NEK6: variants seen among roughly 807,000 people sequenced by gnomAD.
NEK6 encodes serine/threonine-protein kinase Nek6.
In NEK6, 27 loss-of-function variants were observed where a neutral mutation model predicts 43.5. The ratio of observed to expected loss-of-function variants is 0.62; its 90% CI spans 0.46 to 0.86. The LOEUF is 0.86. Among genes scored for constraint, NEK6 ranks in the 40% least tolerant of loss-of-function variants. NEK6 has a pLI of 0.00. For missense variants in NEK6, 318 were observed against 414.4 expected, an observed-to-expected ratio of 0.77 and a Z score of 2.02; for synonymous variants, 167 against 164.1, an observed-to-expected ratio of 1.02 and a Z score of -0.14.
chr9:124,278,906 G>C (rs970208041), intron 1 of NEK6, among the ~76,000 whole-genome samples: 5 of 152,152 alleles, frequency 3.3e-5, no homozygotes, highest in African/African-American at 7.2e-5. Flanking sequence ...AGACCAGGGT[G>C]GGGGGACCAA....
chr9:124,339,320 G>A (rs1027555657), intron 7 of NEK6, among the ~76,000 whole-genome samples: 1 of 151,532 alleles, frequency 6.6e-6, no homozygotes. Flanking sequence ...TGGTCTCGGT[G>A]GGTCCAGGGA....
chr9:124,261,955 CTT>C (rs544517624), intron 1 of NEK6, among the ~76,000 whole-genome samples: 11 of 143,536 alleles, frequency 7.7e-5, no homozygotes, highest in Admixed American at 1.4e-4. Flanking sequence ...ACATTTTTAT[CTT>C]TTTTTTTTTT....
At chr9:124,264,814 CAAA>C (rs372219790) in intron 1 of NEK6, among the ~76,000 whole-genome samples, 1 of 88,682 alleles carries the variant, frequency 1.1e-5, no homozygotes. Context: ...GACTCTGTAT[CAAA>C]AAAAAAAAAA....
intron 1 of NEK6, among the ~76,000 whole-genome samples, chr9:124,294,810 G>C (rs1233201671): frequency 6.6e-6 from 1 of 152,206 alleles, no homozygotes; most frequent in African/African-American, 2.4e-5. Flanking sequence ...AGGCTTGTGT[G>C]TTAGGAAAAC....
intron 1 of NEK6, among the ~76,000 whole-genome samples, chr9:124,281,346 A>T (rs75039876): frequency 2.0e-5 from 3 of 152,046 alleles, no homozygotes; most frequent in Admixed American, 6.5e-5. Flanking sequence ...GTCACCTAGC[A>T]CAGTGGCCTG....
chr9:124,271,932 G>A (rs1412105327), intron 1 of NEK6, among the ~76,000 whole-genome samples: 1 of 152,266 alleles, frequency 6.6e-6, no homozygotes. Context: ...GGCAGAGTTA[G>A]GCACACCTGG....
rs572671965 is a variant in NEK6, at chr9:124,292,279, C to T, written c.-29-9657C>T. The T allele has an allele frequency of 3.8e-6, 5 of 1,312,828 alleles. No homozygotes were observed. The South Asian group carries it at 4.7e-5, about 12-fold the overall frequency. The allele number at this position is 1,312,828 out of a possible 1,614,324, so 81.3% of individuals were successfully genotyped here. On this transcript the variant is annotated intron_variant, in intron 1 of 9. Transcript: ENST00000320246. ...GGGGCTGCCCATTCAGCCAGTCCCA[C>T]CAACCTGACAGGACCTTTGCCACTA...
chr9:124,287,278 G>T (rs1362870414), intron 1 of NEK6, among the ~76,000 whole-genome samples: 1 of 152,176 alleles, frequency 6.6e-6, no homozygotes, highest in Non-Finnish European at 1.5e-5. Flanking sequence ...CCTGGCACCA[G>T]CAGGGGCCAG....
intron 8 of NEK6, among the ~76,000 whole-genome samples, chr9:124,340,836 C>A (rs1398570628): frequency 1.3e-5 from 2 of 152,238 alleles, no homozygotes; most frequent in East Asian, 3.8e-4. Context: ...GGACTGTCGA[C>A]TCTGAGGCTG....
chr9:124,322,023 T>C (rs1448630231), intron 5 of NEK6, among the ~76,000 whole-genome samples: 1 of 152,208 alleles, frequency 6.6e-6, no homozygotes, highest in East Asian at 1.9e-4. Context: ...GGAAAGCATC[T>C]TGTAGATCCA....
intron 9 of NEK6, among the ~76,000 whole-genome samples, chr9:124,350,127 G>C (rs1470029828): frequency 6.6e-6 from 1 of 152,012 alleles, no homozygotes; most frequent in Non-Finnish European, 1.5e-5. Context: ...TGCTGCTTCG[G>C]CTGCTGTGGC....
chr9:124,291,817 G>A (rs1355383218), intron 1 of NEK6: 5 of 985,404 alleles, frequency 5.1e-6, no homozygotes, highest in East Asian at 2.3e-4. Flanking sequence ...AGGGGGCTCC[G>A]TGGCGGCTGT....
chr9:124,327,265 C>G (rs974533097), intron 6 of NEK6, 73 bp from the exon 7 acceptor site: 2 of 1,241,584 alleles, frequency 1.6e-6, no homozygotes, highest in African/African-American at 2.9e-5. Flanking sequence ...ACCTTCCTCC[C>G]CCTTCCTCTC....
rs892963388 is a variant in NEK6 at position 124,275,916 on chromosome 9, CTG to C, written c.-30+17834_-30+17835del. Among the ~76,000 whole-genome samples the C allele has an allele frequency of 5.3e-5, 8 of 152,244 alleles. No homozygotes were observed. Among genetic ancestry groups the C allele is most frequent in the Admixed American group, 3.3e-4 (5 of 15,288 alleles). ...GTCAGCGGGACGGATGGAACCAGCT[CTG>C]TGACTCACATACCCATTGTGCCTGC... is the stretch of plus-strand genomic sequence containing the variant. On this transcript the variant is annotated intron_variant, in intron 1 of 9. Coordinates refer to ENST00000320246, the MANE Select transcript of NEK6 (RefSeq NM_014397.6). This position sits in a 1 kb window ranked among gnomAD's most constrained non-coding sequence, Gnocchi z 4.4.
intron 4 of NEK6, among the ~76,000 whole-genome samples, chr9:124,315,846 G>GTGTGTGACACAC (rs1833789645): frequency 6.6e-6 from 1 of 152,234 alleles, no homozygotes; most frequent in Non-Finnish European, 1.5e-5. Context: ...CACACCCCTC[G>GTGTGTGACACAC]CTCACTAGCT....
chr9:124,268,602 G>C (rs917758569), intron 1 of NEK6, among the ~76,000 whole-genome samples: 14 of 152,156 alleles, frequency 9.2e-5, no homozygotes, highest in African/African-American at 3.4e-4. Context: ...TCTGCTTGCT[G>C]TGATATACCC....
intron 2 of NEK6, among the ~76,000 whole-genome samples, chr9:124,309,685 C>T (rs948512163): frequency 1.3e-5 from 2 of 152,196 alleles, no homozygotes; most frequent in African/African-American, 4.8e-5. Flanking sequence ...ACATAGTAGG[C>T]GTCTAACGTA....
rs371251625 is a variant in NEK6 at position 124,344,755 on chromosome 9, G to T, written c.718-2954G>T. On this transcript the variant is annotated intron_variant, in intron 8 of 9. Coordinates refer to ENST00000320246, the MANE Select transcript of NEK6 (RefSeq NM_014397.6). The stretch of plus-strand genomic sequence containing the variant: ...GTGCCAGTCCCAGGATCCTCATAGG[G>T]GGCCTCCTCGCAGCAGCCTTGAGGT... Among the ~76,000 whole-genome samples the T allele has an allele frequency of 3.9e-4, 59 of 152,326 alleles. 1 individual carries two copies. In the East Asian group the frequency reaches 6.2e-3, roughly 16 times the overall value.
intron 1 of NEK6, among the ~76,000 whole-genome samples, chr9:124,264,083 C>T (rs1466192502): frequency 6.6e-6 from 1 of 152,268 alleles, no homozygotes; most frequent in Non-Finnish European, 1.5e-5. Flanking sequence ...CCCTGGCAGT[C>T]CTCCTGAAAA....
Sources: gnomAD v4.1 joint callset for allele counts (sites outside exome capture counted in the v4.1 genomes callset) on GRCh38, gnomAD v4.1.1 for gene constraint, Gnocchi (gnomAD v3.1) non-coding constraint, MANE v1.5 for transcripts, NCBI Gene and HGNC (gene_info 2026-07-23, HGNC 2026-07-21) for gene names.